COP1: variants seen among roughly 807,000 people sequenced by gnomAD.
COP1 encodes the protein E3 ubiquitin-protein ligase COP1.
A neutral mutation model predicts 101.3 loss-of-function variants in COP1; 24 were observed. The observed-to-expected ratio is 0.24, with a 90% confidence interval of 0.17 to 0.33. The LOEUF (loss-of-function observed/expected upper bound fraction) is 0.33. Ranked by LOEUF, COP1 falls within the 10% of genes least tolerant of loss-of-function variation. The pLI, the probability that COP1 is intolerant of heterozygous loss-of-function variation, is 1.00. For missense variants in COP1, 663 were observed against 906.2 expected (o/e 0.73, Z 3.45); for synonymous variants, 347 against 341.9 (o/e 1.01, Z -0.17).
chr1:176,181,878 C>A (rs143597516), intron 2 of COP1, among the ~76,000 whole-genome samples: 2 of 151,328 alleles, frequency 1.3e-5, no homozygotes, highest in African/African-American at 2.4e-5. Flanking sequence ...AAAAAACACA[C>A]GTTCTCATCA....
chr1:176,199,856 T>C (rs936106933), intron 1 of COP1, among the ~76,000 whole-genome samples: 4 of 152,214 alleles, frequency 2.6e-5, no homozygotes, highest in Non-Finnish European at 4.4e-5. Flanking sequence ...ACTGCACAGG[T>C]GTATTCATGT....
chr1:176,108,049 A>G (rs866040993), intron 9 of COP1, among the ~76,000 whole-genome samples: 1 of 150,874 alleles, frequency 6.6e-6, no homozygotes. Context: ...TTTTTTTTCT[A>G]TAAAGGACAT....
chr1:176,005,578 C>A (rs1366974585), intron 15 of COP1, among the ~76,000 whole-genome samples: 1 of 152,160 alleles, frequency 6.6e-6, no homozygotes, highest in Non-Finnish European at 1.5e-5. Flanking sequence ...TTTCAAAGAA[C>A]ATCTTTATTT....
intron 11 of COP1, among the ~76,000 whole-genome samples, chr1:176,064,297 T>C (rs1675517567): frequency 6.6e-6 from 1 of 152,166 alleles, no homozygotes. Context: ...TAAATAAGGA[T>C]ATATATTTTT....
At chr1:175,994,833 C>G (rs957547931) in intron 15 of COP1, among the ~76,000 whole-genome samples, 1 of 152,118 alleles carries the variant, frequency 6.6e-6, no homozygotes, top group Non-Finnish European at 1.5e-5. Context: ...TTAGACAGAT[C>G]AATGAGACAG....
At chr1:176,054,207 T>TG (rs1673068266) in intron 11 of COP1, among the ~76,000 whole-genome samples, 1 of 150,742 alleles carries the variant, frequency 6.6e-6, no homozygotes, top group Non-Finnish European at 1.5e-5. Flanking sequence ...TCACCCAGGC[T>TG]GGGGTGCAGT....
intron 1 of COP1, among the ~76,000 whole-genome samples, chr1:176,189,243 A>AT (rs922689731): frequency 6.6e-6 from 1 of 151,920 alleles, no homozygotes; most frequent in Admixed American, 6.6e-5. Context: ...CTAATTGAGA[A>AT]TTTTTTCTTT....
chr1:176,006,558 C>T lies in COP1; in HGVS notation c.1730-17079G>A, dbSNP rs890009367. Among the ~76,000 whole-genome samples the T allele has an allele frequency of 2.7e-3, 415 of 152,132 alleles. 4 individuals are homozygous for T. The highest frequency in any genetic ancestry group is 9.5e-3 in the African/African-American group (394 of 41,504). Reference sequence around the variant, plus strand: ...GGGCAGGCCTGGTGGTGACAAAATCCCTCAGCATTTGCTGGTCTGTAAAGT... The same window carrying T: ...GGGCAGGCCTGGTGGTGACAAAATCTCTCAGCATTTGCTGGTCTGTAAAGT... On this transcript the variant is annotated intron_variant, in intron 15 of 19. Transcript: ENST00000367669.
At chr1:176,183,419 A>G (rs1698037457) in intron 2 of COP1, among the ~76,000 whole-genome samples, 1 of 152,256 alleles carries the variant, frequency 6.6e-6, no homozygotes, top group Non-Finnish European at 1.5e-5. Flanking sequence ...CACATCCATC[A>G]GGATGGCTAC....
intron 15 of COP1, among the ~76,000 whole-genome samples, chr1:176,007,347 C>G (rs1663537798): frequency 6.6e-6 from 1 of 152,204 alleles, no homozygotes; most frequent in Non-Finnish European, 1.5e-5. Context: ...CTCAGCTCGT[C>G]AAAGTCATTC....
intron 1 of COP1, among the ~76,000 whole-genome samples, chr1:176,198,520 G>C (rs994674070): frequency 6.6e-6 from 1 of 152,004 alleles, no homozygotes; most frequent in Non-Finnish European, 1.5e-5. Context: ...ATATACAAGA[G>C]AATGTTTTCT....
At chr1:175,991,813 C>T (rs986937138) in intron 15 of COP1, among the ~76,000 whole-genome samples, 2 of 152,154 alleles carry the variant, frequency 1.3e-5, no homozygotes. Flanking sequence ...ACTGTTTTCA[C>T]CTCCACGTTT....
chr1:176,081,273 C>T lies in COP1; in HGVS notation c.1156G>A (p.Ala386Thr). 4 of 1,586,470 alleles carry T rather than the reference C, an allele frequency of 2.5e-6. No homozygotes were observed. Among genetic ancestry groups the T allele is most frequent in the Non-Finnish European group, 3.4e-6 (4 of 1,165,096 alleles). Residue 386 changes from alanine (A) to threonine (T), a missense_variant, in exon 11 of 20, where the codon GCA becomes ACA. Transcript: ENST00000367669. ...TCCTGAAATTCATCCAACTGGCTTG[C>T]AGTTCGACTGTCATCTATATGAAAA... ...MSRISDDSRT[A>T]SQLDEFQECL...
At chr1:176,072,655 A>G (rs1558050021) in intron 11 of COP1, among the ~76,000 whole-genome samples, 1 of 152,222 alleles carries the variant, frequency 6.6e-6, no homozygotes, top group South Asian at 2.1e-4. Flanking sequence ...TTTTAAGTAT[A>G]AATTTAAAGC....
At chr1:176,048,579 G>A (rs1255651575) in intron 11 of COP1, among the ~76,000 whole-genome samples, 3 of 152,070 alleles carry the variant, frequency 2.0e-5, no homozygotes, top group African/African-American at 7.2e-5. Flanking sequence ...TGTCACTGAA[G>A]GAGAAATACT....
chr1:176,050,215 G>A (rs572368049), intron 11 of COP1, among the ~76,000 whole-genome samples: 8 of 152,252 alleles, frequency 5.3e-5, no homozygotes, highest in South Asian at 2.1e-4. Flanking sequence ...GCTGAAATAC[G>A]TAATTCAGCT....
At chr1:176,114,090 T>G (rs1685763972) in intron 9 of COP1, among the ~76,000 whole-genome samples, 1 of 152,130 alleles carries the variant, frequency 6.6e-6, no homozygotes, top group African/African-American at 2.4e-5. Flanking sequence ...GAAATTATAT[T>G]CAGAAGGAGA....
chr1:175,964,732 C>A (rs913133902), intron 18 of COP1, among the ~76,000 whole-genome samples: 7 of 152,150 alleles, frequency 4.6e-5, no homozygotes, highest in Non-Finnish European at 8.8e-5. Context: ...ACAGTATCTG[C>A]AAATACAGCT....
At chr1:175,992,642 TGCAA>T (rs1339638936) in intron 15 of COP1, among the ~76,000 whole-genome samples, 6 of 152,206 alleles carry the variant, frequency 3.9e-5, no homozygotes, top group African/African-American at 1.4e-4. Context: ...TCTCGCTGAC[TGCAA>T]GCACAGCAGT....
Sources: gnomAD v4.1 joint callset for allele counts (sites outside exome capture counted in the v4.1 genomes callset) on GRCh38, gnomAD v4.1.1 for gene constraint, MANE v1.5 for transcripts, NCBI Gene and HGNC (gene_info 2026-07-23, HGNC 2026-07-21) for gene names.